CIZ1: variants seen among roughly 807,000 people sequenced by gnomAD.
CIZ1 encodes CDKN1A interacting zinc finger protein 1.
A neutral mutation model predicts 118.6 loss-of-function variants in CIZ1; 58 were observed. The observed-to-expected ratio is 0.49, with a 90% CI of 0.40 to 0.61. The LOEUF (loss-of-function observed/expected upper bound fraction) is 0.61. Ranked by LOEUF, CIZ1 falls within the 20% of genes least tolerant of loss-of-function variation. The probability of loss-of-function intolerance (pLI) is 0.00; values close to 1 mark genes in which losing one functional copy is unlikely to be tolerated. For missense variants in CIZ1, 921 were observed against 1,115.9 expected (o/e 0.83, Z 2.49); for synonymous variants, 448 against 443.4 (o/e 1.01, Z -0.13).
In CIZ1 at chr9:128,169,040, TC is replaced by T. The variant is rs1278288110; in HGVS notation, c.2295+11del. 1.2e-6 allele frequency: 2 copies of T among 1,613,466 alleles called. No individual in the cohort carries two copies. The stretch of plus-strand genomic sequence containing the variant: ...AGCACCAAGCCCGCCTCCCACACCC[TC>T]CCCCCAGCACCTGCTTGCAGAGTTC... On this transcript the variant is annotated intron_variant, in intron 14 of 16. Transcript: ENST00000372938.
intron 7 of CIZ1, 122 bp downstream of exon 7, chr9:128,180,293 A>G (rs1831409126): frequency 1.4e-6 from 1 of 719,024 alleles, no homozygotes; most frequent in Admixed American, 2.4e-5. Flanking sequence ...TCAGAGGCCA[A>G]GGCCCTTTCC....
chr9:128,183,748 T>G (rs1232871136), intron 5 of CIZ1, among the ~76,000 whole-genome samples: 3 of 150,872 alleles, frequency 2.0e-5, no homozygotes, highest in African/African-American at 4.9e-5. Flanking sequence ...TTTCCTATAC[T>G]TTTGTTTGTT....
At chr9:128,168,515 T>C (rs4074414) in intron 14 of CIZ1, among the ~76,000 whole-genome samples, 50,292 of 141,370 alleles carry the variant, frequency 0.36, 9,251 homozygotes, top group African/African-American at 0.48. Context: ...GACTCCGTCT[T>C]GAAAAAAAAA....
rs1219913375 is a variant in CIZ1, at chr9:128,185,642, C to A, written c.493G>T (p.Val165Phe). 1.3e-6 allele frequency: 2 copies of A among 1,579,620 alleles called. No homozygotes were observed. Among genetic ancestry groups the A allele is most frequent in the Non-Finnish European group, 1.7e-6 (2 of 1,162,364 alleles). Residue 165 changes from valine to phenylalanine, a missense_variant, in exon 5 of 17, where the codon GTT becomes TTT. By Grantham distance (50) the Val-to-Phe change is conservative. Transcript: ENST00000372938. ...TGGGAAGGGTTCATGGGGACCCCAA[C>A]AGGAGGAGGTCCCAGCAAGGACTGG... is the stretch of plus-strand genomic sequence containing the variant. ...TRQSLLGPPP[V>F]GVPMNPSQFN...
Position 128,179,394 on chromosome 9 carries a change from C to T in CIZ1, c.813G>A (p.Lys271=). 1 of 1,604,912 alleles carries T rather than the reference C, an allele frequency of 6.2e-7. No individual in the cohort carries two copies. Among genetic ancestry groups the T allele is most frequent in the South Asian group, 1.1e-5 (1 of 90,026 alleles). ...RLRSSEEPTE[K]EPPGQLQVKA... ...TCACCTGTAACTGCCCTGGAGGTTCCTTCTCTGTGGGCTCTTCTGAGCTAG... is the reference window on the plus strand; with the variant it reads ...TCACCTGTAACTGCCCTGGAGGTTCTTTCTCTGTGGGCTCTTCTGAGCTAG... Residue 271 remains lysine (K), a synonymous_variant, in exon 8 of 17, where the codon AAG becomes AAA. Coordinates refer to ENST00000372938, the MANE Select transcript of CIZ1 (RefSeq NM_001131016.2).
Position 128,190,831 on chromosome 9 carries a change from C to T in CIZ1, c.27G>A (p.Gln9=). MFSQQQQQ[Q]LQQQQQQLQQ... ...GGAGCTGCTGCTGCTGTTGCTGGAGCTGCTGCTGCTGCTGCTGGCTGAACA... is the reference window on the plus strand; with the variant it reads ...GGAGCTGCTGCTGCTGTTGCTGGAGTTGCTGCTGCTGCTGCTGGCTGAACA... Residue 9 remains glutamine, a synonymous_variant, in exon 2 of 17, where the codon CAG becomes CAA. Coordinates refer to ENST00000372938, the MANE Select transcript of CIZ1 (RefSeq NM_001131016.2). The T allele has an allele frequency of 1.4e-6, 2 of 1,421,002 alleles. No homozygotes were observed. The highest frequency in any genetic ancestry group is 1.9e-6 in the Non-Finnish European group (2 of 1,057,152). The allele number at this position is 1,421,002 out of a possible 1,614,324, so 88.0% of individuals were successfully genotyped here.
chr9:128,189,868 C>T (rs1266594780), intron 3 of CIZ1, among the ~76,000 whole-genome samples: 5 of 131,782 alleles, frequency 3.8e-5, no homozygotes, highest in African/African-American at 1.4e-4. Context: ...GGAGCAGCAT[C>T]TTGGAAGGAA....
chr9:128,179,827 C>T (rs1036384503), intron 7 of CIZ1, among the ~76,000 whole-genome samples: 3 of 152,100 alleles, frequency 2.0e-5, no homozygotes, highest in Non-Finnish European at 2.9e-5. Context: ...CATGCGCCAC[C>T]ACACCCAGCT....
At chr9:128,169,261 T>TGC in intron 13 of CIZ1, 60 bp from the exon 14 acceptor site, 1 of 1,099,804 alleles carries the variant, frequency 9.1e-7, no homozygotes. Context: ...GGCCATGCCC[T>TGC]ACCCACCCCA....
chr9:128,203,309 C>A lies in CIZ1; in HGVS notation c.-6+877G>T. ...GGCGGCCGGCCCGCAGCGCCGCGGG[C>A]TCCCCCTAGCGGCGTCCGGGAGCGG... is the stretch of plus-strand genomic sequence containing the variant. On this transcript the variant is annotated intron_variant, in intron 1 of 17. Transcript: ENST00000372948. The surrounding 1 kb of genome is among the most constrained non-coding windows in gnomAD (Gnocchi z 5.3). The A allele has an allele frequency of 2.1e-6, 1 of 482,228 alleles. No homozygotes were observed. The highest frequency in any genetic ancestry group is 2.9e-6 in the Non-Finnish European group (1 of 342,186). The allele number at this position is 482,228 out of a possible 1,614,324, so 29.9% of individuals were successfully genotyped here. A position where few individuals can be genotyped will look rare whatever the true frequency, so the allele number is the denominator to read the frequency against.
chr9:128,187,084 C>T (rs536958453), intron 4 of CIZ1, among the ~76,000 whole-genome samples: 1 of 152,084 alleles, frequency 6.6e-6, no homozygotes, highest in East Asian at 1.9e-4. Flanking sequence ...GGACTACAGA[C>T]GCCCGCCACC....
At chr9:128,174,422 G>C (rs1830611071) in intron 11 of CIZ1, among the ~76,000 whole-genome samples, 1 of 152,226 alleles carries the variant, frequency 6.6e-6, no homozygotes, top group Non-Finnish European at 1.5e-5. Flanking sequence ...TGTAGTGAGA[G>C]ATGGAGCCTC....
intron 11 of CIZ1, among the ~76,000 whole-genome samples, chr9:128,174,012 A>C (rs796263747): frequency 1.3e-5 from 1 of 77,726 alleles, no homozygotes; most frequent in South Asian, 6.0e-4. Context: ...TCTCAAAAAC[A>C]AAACAAAAAA....
intron 1 of CIZ1, among the ~76,000 whole-genome samples, chr9:128,200,660 A>G (rs1833490013): frequency 6.6e-6 from 1 of 150,388 alleles, no homozygotes; most frequent in African/African-American, 2.4e-5. Context: ...TCTGTCTCAA[A>G]AAAAAAAAAA....
intron 1 of CIZ1, among the ~76,000 whole-genome samples, chr9:128,199,391 C>T (rs917664086): frequency 2.6e-5 from 4 of 151,694 alleles, no homozygotes; most frequent in Non-Finnish European, 5.9e-5. Context: ...CTGCCCAGCA[C>T]AGTTGGTGGT....
Position 128,203,476 on chromosome 9 carries a change from C to T in CIZ1, c.-6+710G>A, listed in dbSNP as rs1833612492. 2.0e-6 allele frequency: 3 copies of T among 1,506,060 alleles called. No individual in the cohort carries two copies. Among genetic ancestry groups the T allele is most frequent in the Non-Finnish European group, 2.7e-6 (3 of 1,129,306 alleles). 93.3% of individuals were successfully genotyped at this position (1,506,060 alleles called of 1,614,324 possible). A position where few individuals can be genotyped will look rare whatever the true frequency, so the allele number is the denominator to read the frequency against. ...CTGCGGGGCCCGCCGCAGCCATGGG[C>T]AACCGCGGCATGGAAGATCTCATCC... On this transcript the variant is annotated intron_variant, in intron 1 of 17. Transcript: ENST00000372948. The surrounding 1 kb of genome is among the most constrained non-coding windows in gnomAD (Gnocchi z 5.3).
intron 10 of CIZ1, 119 bp downstream of exon 10, chr9:128,177,447 A>T: frequency 1.4e-6 from 1 of 691,842 alleles, no homozygotes; most frequent in Non-Finnish European, 2.2e-6. Context: ...AATGTTTCCC[A>T]AGCAAATGCA....
intron 11 of CIZ1, among the ~76,000 whole-genome samples, chr9:128,170,391 G>T (rs1288643215): frequency 6.6e-6 from 1 of 152,232 alleles, no homozygotes; most frequent in African/African-American, 2.4e-5. Context: ...TCCTGACAGT[G>T]TATCAGTGGG....
At chr9:128,196,937 T>G (rs1317883750) in intron 1 of CIZ1, 1 of 152,204 alleles carries the variant, frequency 6.6e-6, no homozygotes, top group Non-Finnish European at 1.5e-5. Flanking sequence ...TTGCAGTAAG[T>G]TAGTTTCACA....
Sources: allele counts gnomAD v4.1 joint callset (sites outside exome capture counted in the v4.1 genomes callset), GRCh38; gene constraint gnomAD v4.1.1; non-coding constraint Gnocchi (gnomAD v3.1); transcripts MANE v1.5; gene names NCBI Gene and HGNC (gene_info 2026-07-23, HGNC 2026-07-21).